Variants in ATXN1 observed in about 807,000 individuals in gnomAD.
ATXN1 encodes the protein ataxin-1.
Under a neutral mutation model 56.4 loss-of-function variants are expected in ATXN1, and 8 were observed. That is an observed-to-expected ratio of 0.14 (90% confidence interval 0.08 to 0.26). The LOEUF (loss-of-function observed/expected upper bound fraction) is 0.26, where lower values mean the gene tolerates loss of function less well. ATXN1 is among the 10% of genes least tolerant of loss of function. The pLI, the probability that ATXN1 is intolerant of heterozygous loss-of-function variation, is 1.00. For missense variants in ATXN1, 987 were observed against 1,106.5 expected (o/e 0.89, Z 1.53); for synonymous variants, 514 against 494.6 (o/e 1.04, Z -0.52).
chr6:16,419,146 G>A (rs1758977603), intron 6 of ATXN1, among the ~76,000 whole-genome samples: 1 of 152,100 alleles, frequency 6.6e-6, no homozygotes, highest in Admixed American at 6.5e-5. Context: ...ATGGGTTCTT[G>A]CTATGTTGCC....
At chr6:16,734,160 A>G (rs1231485884) in intron 2 of ATXN1, among the ~76,000 whole-genome samples, 1 of 152,168 alleles carries the variant, frequency 6.6e-6, no homozygotes, top group Non-Finnish European at 1.5e-5. Flanking sequence ...AGCTTGTGAG[A>G]GATCTGTTGG....
At chr6:16,537,068 T>C (rs566374815) in intron 4 of ATXN1, among the ~76,000 whole-genome samples, 25 of 152,192 alleles carry the variant, frequency 1.6e-4, no homozygotes, top group African/African-American at 5.3e-4. Flanking sequence ...TAAGAGGTTT[T>C]TCTTGAAATA....
chr6:16,468,249 G>T (rs950863225), intron 6 of ATXN1, among the ~76,000 whole-genome samples: 1 of 152,126 alleles, frequency 6.6e-6, no homozygotes, highest in South Asian at 2.1e-4. Flanking sequence ...GCAGTGGCAC[G>T]ATCTTGGCTC....
intron 6 of ATXN1, among the ~76,000 whole-genome samples, chr6:16,402,408 T>C (rs940470641): frequency 2.0e-5 from 3 of 150,108 alleles, no homozygotes; most frequent in African/African-American, 7.4e-5. Context: ...ACAATGTGCA[T>C]AGGCCAGAGG....
In ATXN1 at chr6:16,327,687, C is replaced by CTGCTGCTGCTGCTGA. The variant is rs1554138067; in HGVS notation, c.623_624insTCAGCAGCAGCAGCA (p.Gln207_Gln208insHisGlnGlnGlnGln). On this transcript the variant is annotated inframe_insertion, in exon 7 of 8. Transcript: ENST00000436367. ...GCTGCTGCTGCTGCTGATGCTGATG[C>CTGCTGCTGCTGCTGA]TGCTGCTGCTGCTGCTGCTGCTGCT... The CTGCTGCTGCTGCTGA allele has an allele frequency of 8.1e-7, 1 of 1,230,776 alleles. No individual in the cohort carries two copies. Among genetic ancestry groups the CTGCTGCTGCTGCTGA allele is most frequent in the Non-Finnish European group, 1.1e-6 (1 of 946,400 alleles). The allele number at this position is 1,230,776 out of a possible 1,614,324, so 76.2% of individuals were successfully genotyped here. A position where few individuals can be genotyped will look rare whatever the true frequency, so the allele number is the denominator to read the frequency against.
At chr6:16,331,283 G>A (rs772872058) in intron 6 of ATXN1, among the ~76,000 whole-genome samples, 2 of 152,246 alleles carry the variant, frequency 1.3e-5, no homozygotes, top group Non-Finnish European at 2.9e-5. Flanking sequence ...TTACAGGCGT[G>A]AGCCACTGCG....
chr6:16,453,760 C>A (rs1004644120), intron 6 of ATXN1, among the ~76,000 whole-genome samples: 2 of 152,124 alleles, frequency 1.3e-5, no homozygotes, highest in Non-Finnish European at 2.9e-5. Context: ...TTTATATCTG[C>A]TGTATAGGAA....
intron 2 of ATXN1, among the ~76,000 whole-genome samples, chr6:16,661,715 T>G (rs1411052728): frequency 2.0e-5 from 3 of 152,192 alleles, no homozygotes; most frequent in African/African-American, 7.2e-5. Context: ...TCTTCTGGGT[T>G]ACTCACCTGG....
chr6:16,335,395 C>T (rs961989265), intron 6 of ATXN1, among the ~76,000 whole-genome samples: 2 of 152,216 alleles, frequency 1.3e-5, no homozygotes, highest in Non-Finnish European at 2.9e-5. Context: ...GAGCCTCGCC[C>T]CAACGCGCTC....
chr6:16,507,622 A>C (rs1761005459), intron 5 of ATXN1, among the ~76,000 whole-genome samples: 1 of 152,220 alleles, frequency 6.6e-6, no homozygotes, highest in Non-Finnish European at 1.5e-5. Context: ...GAAAAGCCTA[A>C]GTACCCTTAA....
rs540229105 is a variant in ATXN1, at chr6:16,578,518, G to C, written c.-361+7262C>G. ...TGTCACTGTTATTCCCAAGATCCTG[G>C]AATTAAACAGAAGAGTTTTCCTTTC... On this transcript the variant is annotated intron_variant, in intron 4 of 7. Coordinates refer to ENST00000436367, the MANE Select transcript of ATXN1 (RefSeq NM_001128164.2). Among the ~76,000 whole-genome samples the C allele has an allele frequency of 1.1e-4, 17 of 152,248 alleles. No homozygotes were observed. The South Asian group carries it at 2.7e-3, about 24-fold the overall frequency.
chr6:16,454,909 T>C (rs1317402615), intron 6 of ATXN1, among the ~76,000 whole-genome samples: 1 of 152,168 alleles, frequency 6.6e-6, no homozygotes, highest in African/African-American at 2.4e-5. Context: ...ATTATAGCAA[T>C]TAAGCAGCTT....
chr6:16,442,895 C>A (rs1482538652), intron 6 of ATXN1, among the ~76,000 whole-genome samples: 1 of 152,092 alleles, frequency 6.6e-6, no homozygotes, highest in Non-Finnish European at 1.5e-5. Context: ...ACCTGTAATC[C>A]CATCTACTCA....
At chr6:16,455,960 G>A (rs1395011566) in intron 6 of ATXN1, among the ~76,000 whole-genome samples, 5 of 152,156 alleles carry the variant, frequency 3.3e-5, no homozygotes, top group East Asian at 1.9e-4. Flanking sequence ...GTAGCCAATC[G>A]CAGGGAGGAT....
intron 7 of ATXN1, among the ~76,000 whole-genome samples, chr6:16,322,290 A>C (rs1002980966): frequency 6.6e-6 from 1 of 152,140 alleles, no homozygotes; most frequent in East Asian, 1.9e-4. Context: ...TGGTTTAGAG[A>C]GGAGAGTGCT....
At position 16,302,240 on chromosome 6, in the gene ATXN1, T is replaced by C. The variant is rs1760123592; in HGVS notation, c.*4089A>G. ...ACCTGCCCCGTCCCTGAGAAAGAGG[T>C]GTGAAAGGTTCCGCAGAGTCCCTTT... On this transcript the variant is annotated 3_prime_UTR_variant, in exon 8 of 8. Transcript: ENST00000436367. 1 of 152,248 alleles carries C rather than the reference T, an allele frequency of 6.6e-6. No individual in the cohort carries two copies. Among genetic ancestry groups the C allele is most frequent in the Admixed American group, 6.5e-5 (1 of 15,268 alleles). The allele number at this position is 152,248 out of a possible 1,614,324, so 9.4% of individuals were successfully genotyped here.
At chr6:16,390,763 G>GT (rs1399301639) in intron 6 of ATXN1, among the ~76,000 whole-genome samples, 2 of 152,024 alleles carry the variant, frequency 1.3e-5, no homozygotes, top group Admixed American at 6.5e-5. Context: ...ACAAGAAGCC[G>GT]TAAGTGTCGG....
At chr6:16,675,534 A>G (rs541079621) in intron 2 of ATXN1, among the ~76,000 whole-genome samples, 61 of 152,254 alleles carry the variant, frequency 4.0e-4, no homozygotes, top group Non-Finnish European at 5.9e-5. Context: ...CATGAAGGCG[A>G]AAGGAGCAGG....
chr6:16,579,212 T>A (rs1762478607), intron 4 of ATXN1, among the ~76,000 whole-genome samples: 1 of 152,128 alleles, frequency 6.6e-6, no homozygotes. Context: ...TTATTGTCTA[T>A]CCTGGAGAAG....
Sources: allele counts gnomAD v4.1 joint callset (sites outside exome capture counted in the v4.1 genomes callset), GRCh38; gene constraint gnomAD v4.1.1; transcripts MANE v1.5; gene names NCBI Gene and HGNC (gene_info 2026-07-23, HGNC 2026-07-21).